The following SLC44A5 variants were observed in gnomAD, a reference collection of about 807,000 sequenced individuals.
SLC44A5 encodes the protein choline transporter-like protein 5.
SLC44A5 carries 57 observed loss-of-function variants against 101.8 expected under a neutral mutation model. The observed-to-expected ratio is 0.56, with a 90% CI of 0.45 to 0.70. The LOEUF (loss-of-function observed/expected upper bound fraction) is 0.70. Ranked by LOEUF, SLC44A5 falls within the 30% of genes least tolerant of loss-of-function variation. SLC44A5 has a pLI of 0.00. For missense variants in SLC44A5, 737 were observed against 853.1 expected (o/e 0.86, Z 1.70); for synonymous variants, 281 against 290.9 (o/e 0.97, Z 0.35).
intron 2 of SLC44A5, among the ~76,000 whole-genome samples, chr1:75,466,745 G>A (rs1666844342): frequency 6.6e-6 from 1 of 151,452 alleles, no homozygotes; most frequent in African/African-American, 2.4e-5. Flanking sequence ...CATACTGAAT[G>A]GGGAAAAACT....
intron 6 of SLC44A5, among the ~76,000 whole-genome samples, chr1:75,251,750 T>C (rs563189048): frequency 6.6e-6 from 1 of 152,330 alleles, no homozygotes; most frequent in East Asian, 1.9e-4. Context: ...TTTGTGCTTT[T>C]ATGGATTTCA....
chr1:75,403,180 A>C (rs1662613252), intron 2 of SLC44A5, among the ~76,000 whole-genome samples: 2 of 152,214 alleles, frequency 1.3e-5, no homozygotes, highest in Non-Finnish European at 2.9e-5. Context: ...CTCTGAAAGA[A>C]AGGCAGCAGC....
the SLC44A5 span, among the ~76,000 whole-genome samples, chr1:75,717,996 C>G: frequency 2.0e-5 from 3 of 152,076 alleles, no homozygotes; most frequent in Admixed American, 2.0e-4. Context: ...TCACCAGAGG[C>G]TTTTTTACAA....
At chr1:75,659,489 G>GAGGGAAGGAAGGAAGGAAGGAAGA in the SLC44A5 span, among the ~76,000 whole-genome samples, 1 of 61,416 alleles carries the variant, frequency 1.6e-5, no homozygotes, top group South Asian at 4.9e-4. Context: ...AGGAAGGAAG[G>GAGGGAAGGAAGGAAGGAAGGAAGA]AAGGCAGGCA....
At chr1:75,222,847 T>A (rs1647116922) in intron 13 of SLC44A5, among the ~76,000 whole-genome samples, 1 of 152,198 alleles carries the variant, frequency 6.6e-6, no homozygotes, top group Non-Finnish European at 1.5e-5. Context: ...TTTGAGCTGT[T>A]CACTTTCCTC....
Position 75,227,828 on chromosome 1 carries a change from T to G in SLC44A5, c.883A>C (p.Asn295His). ...GIWHCYQQYTNLQERPSSVLT... is the reference protein window; with the variant it reads ...GIWHCYQQYTHLQERPSSVLT... ...ACAGAACTTGGGCGTTCCTGAAGAT[T>G]GGTGTACTGCTGGTAACAGTGCCAT... The change falls in exon 13 of 24, where the codon AAT (asparagine) becomes CAT (histidine). Residue 295 changes from asparagine (N) to histidine (H), a missense_variant. Coordinates refer to ENST00000370859, the MANE Select transcript of SLC44A5 (RefSeq NM_001130058.2). 6.3e-7 allele frequency: 1 copy of G among 1,597,908 alleles called. No homozygotes were observed. Among genetic ancestry groups the G allele is most frequent in the Non-Finnish European group, 8.5e-7 (1 of 1,175,732 alleles).
chr1:75,448,285 A>G (rs899778483), intron 2 of SLC44A5, among the ~76,000 whole-genome samples: 5 of 152,244 alleles, frequency 3.3e-5, no homozygotes, highest in Non-Finnish European at 7.3e-5. Context: ...AAGTCTGCAT[A>G]GATGGAAACA....
At chr1:75,350,155 AATCAT>A (rs149888678) in intron 3 of SLC44A5, among the ~76,000 whole-genome samples, 1,591 of 152,182 alleles carry the variant, frequency 0.01, 39 homozygotes, top group African/African-American at 0.036. Context: ...GTTTAGATAG[AATCAT>A]GAGAGAGGGG....
chr1:75,573,183 A>C (rs1222701129), intron 1 of SLC44A5, among the ~76,000 whole-genome samples: 1 of 150,970 alleles, frequency 6.6e-6, no homozygotes, highest in Non-Finnish European at 1.5e-5. Context: ...TACTAAAGCA[A>C]GAAATAATGA....
At chr1:75,634,345 T>C in the SLC44A5 span, among the ~76,000 whole-genome samples, 1 of 152,142 alleles carries the variant, frequency 6.6e-6, no homozygotes, top group African/African-American at 2.4e-5. Flanking sequence ...TGAATCCAAC[T>C]GGTCCTGGAC....
At chr1:75,528,109 T>C (rs1172960736) in intron 2 of SLC44A5, among the ~76,000 whole-genome samples, 3 of 152,232 alleles carry the variant, frequency 2.0e-5, no homozygotes, top group Non-Finnish European at 4.4e-5. Flanking sequence ...TTAAGCTATT[T>C]TTTTTCCAGT....
intron 2 of SLC44A5, among the ~76,000 whole-genome samples, chr1:75,429,552 C>T (rs184351652): frequency 1.3e-3 from 204 of 152,242 alleles, no homozygotes; most frequent in Admixed American, 2.1e-3. Context: ...TAAAGGAATA[C>T]CCGAGACTAA....
intron 3 of SLC44A5, among the ~76,000 whole-genome samples, chr1:75,387,810 C>A: frequency 9.6e-6 from 1 of 103,992 alleles, no homozygotes; most frequent in Non-Finnish European, 1.9e-5. Context: ...TGGAACCAAC[C>A]CAAATGTCCA....
intron 2 of SLC44A5, among the ~76,000 whole-genome samples, chr1:75,465,257 T>C (rs939078329): frequency 6.6e-6 from 1 of 152,036 alleles, no homozygotes; most frequent in African/African-American, 2.4e-5. Flanking sequence ...TACAAATGCA[T>C]GGAAATTAAA....
the SLC44A5 span, among the ~76,000 whole-genome samples, chr1:75,633,788 T>C: frequency 6.6e-6 from 1 of 152,144 alleles, no homozygotes; most frequent in Non-Finnish European, 1.5e-5. Flanking sequence ...AGGGCATCCC[T>C]GTCTTGTGCC....
At chr1:75,351,627 G>C (rs1354821631) in intron 3 of SLC44A5, among the ~76,000 whole-genome samples, 1 of 152,036 alleles carries the variant, frequency 6.6e-6, no homozygotes, top group Non-Finnish European at 1.5e-5. Flanking sequence ...TCTAATGTAA[G>C]GGAAAGCATT....
chr1:75,677,425 C>G, the SLC44A5 span, among the ~76,000 whole-genome samples: 1 of 152,032 alleles, frequency 6.6e-6, no homozygotes, highest in Non-Finnish European at 1.5e-5. Context: ...AAAATAATGG[C>G]TTATACTATT....
intron 1 of SLC44A5, among the ~76,000 whole-genome samples, chr1:75,581,769 C>A (rs1673711471): frequency 6.6e-6 from 1 of 152,110 alleles, no homozygotes; most frequent in Non-Finnish European, 1.5e-5. Flanking sequence ...CTCTTAATTC[C>A]CTTGAGAACT....
intron 2 of SLC44A5, among the ~76,000 whole-genome samples, chr1:75,409,362 A>G (rs1031603149): frequency 6.6e-6 from 1 of 152,200 alleles, no homozygotes; most frequent in Non-Finnish European, 1.5e-5. Context: ...CCTAAAGCCC[A>G]GAATTAGTCA....
Sources: gnomAD v4.1 joint callset for allele counts (sites outside exome capture counted in the v4.1 genomes callset) on GRCh38, gnomAD v4.1.1 for gene constraint, MANE v1.5 for transcripts, NCBI Gene and HGNC (gene_info 2026-07-23, HGNC 2026-07-21) for gene names.